ADAMTS9: variants seen among roughly 807,000 people sequenced by gnomAD.
ADAMTS9 encodes ADAM metallopeptidase with thrombospondin type 1 motif 9.
A neutral mutation model predicts 257.1 loss-of-function variants in ADAMTS9; 107 were observed. The observed-to-expected ratio is 0.42, with a 90% CI of 0.36 to 0.49. The LOEUF (loss-of-function observed/expected upper bound fraction) is 0.49, where lower values mean the gene tolerates loss of function less well. Ranked by LOEUF, ADAMTS9 falls within the 20% of genes least tolerant of loss-of-function variation. The pLI, the probability that ADAMTS9 is intolerant of heterozygous loss-of-function variation, is 0.03. For synonymous variants in ADAMTS9, 982 were observed against 880.9 expected (o/e 1.11, Z -2.03); for missense variants, 2,353 against 2,469.1 (o/e 0.95, Z 1.00).
rs1458675614 is a variant in ADAMTS9, at chr3:64,529,046, C to T, written c.5718+4120G>A. The stretch of plus-strand genomic sequence containing the variant: ...TTGCGGCAGGTTGGAGAGGCTGATC[C>T]CACCACCTGCTCAACTTAACATCCC... On this transcript the variant is annotated intron_variant, in intron 38 of 39. Coordinates refer to ENST00000498707, the MANE Select transcript of ADAMTS9 (RefSeq NM_182920.2). Among the ~76,000 whole-genome samples, 5 of 152,178 alleles carry T rather than the reference C, an allele frequency of 3.3e-5. 1 individual carries two copies. Among genetic ancestry groups the T allele is most frequent in the African/African-American group, 9.7e-5 (4 of 41,436 alleles).
chr3:64,617,224 G>A (rs1699977914), intron 19 of ADAMTS9, among the ~76,000 whole-genome samples: 1 of 152,188 alleles, frequency 6.6e-6, no homozygotes, highest in South Asian at 2.1e-4. Flanking sequence ...AGAAGCATCT[G>A]GAACTTTCAT....
intron 28 of ADAMTS9, among the ~76,000 whole-genome samples, chr3:64,572,508 G>A (rs1238252622): frequency 1.3e-5 from 2 of 152,140 alleles, no homozygotes; most frequent in Admixed American, 1.3e-4. Flanking sequence ...CTTATACAGA[G>A]GAACGTGGTT....
chr3:64,524,702 G>T (rs1045495720), intron 38 of ADAMTS9, among the ~76,000 whole-genome samples: 5 of 152,074 alleles, frequency 3.3e-5, no homozygotes, highest in Non-Finnish European at 7.4e-5. Context: ...TTGCCTCTTG[G>T]CCCTTCAAGA....
Position 64,687,614 on chromosome 3 carries a change from C to A in ADAMTS9, c.44G>T (p.Arg15Leu). The A allele has an allele frequency of 1.3e-6, 2 of 1,586,788 alleles. No individual in the cohort carries two copies. The highest frequency in any genetic ancestry group is 1.7e-6 in the Non-Finnish European group (2 of 1,168,192). The change falls in exon 1 of 40, where the codon CGG becomes CTG. Residue 15 changes from arginine to leucine, a missense_variant. Coordinates refer to ENST00000498707, the MANE Select transcript of ADAMTS9 (RefSeq NM_182920.2). The surrounding 1 kb of genome is among the most constrained non-coding windows in gnomAD (Gnocchi z 4.4). The part of the protein sequence containing the change: ...SWATLLTLLV[R>L]DLAEMGSPDA... ...TGGGCTCCCCATCTCGGCCAGGTCC[C>A]GCACCAGGAGCGTTAGCAGTGTGGC... is the stretch of plus-strand genomic sequence containing the variant.
At chr3:64,605,844 T>G (rs2084547894) in intron 23 of ADAMTS9, among the ~76,000 whole-genome samples, 2 of 152,210 alleles carry the variant, frequency 1.3e-5, no homozygotes, top group African/African-American at 4.8e-5. Context: ...TATTATAAAT[T>G]TTACTGATAT....
At chr3:64,552,876 T>C (rs547760400) in intron 30 of ADAMTS9, among the ~76,000 whole-genome samples, 7 of 152,342 alleles carry the variant, frequency 4.6e-5, no homozygotes, top group South Asian at 2.1e-4. Flanking sequence ...TCTTTTAAAA[T>C]GTCTAATTTT....
rs1354139667 is a variant in ADAMTS9, at chr3:64,515,976, G to A, written c.*1151C>T. On this transcript the variant is annotated 3_prime_UTR_variant, in exon 40 of 40. Coordinates refer to ENST00000498707, the MANE Select transcript of ADAMTS9 (RefSeq NM_182920.2). ...TAATGAGCAATCGGAAAGACTCAAA[G>A]CATTTTGTACTCCACAGTTCATTTC... 1 of 152,176 alleles carries A rather than the reference G, an allele frequency of 6.6e-6. No homozygotes were observed. The highest frequency in any genetic ancestry group is 1.5e-5 in the Non-Finnish European group (1 of 68,042). The allele number at this position is 152,176 out of a possible 1,614,324, so 9.4% of individuals were successfully genotyped here.
intron 28 of ADAMTS9, chr3:64,592,236 T>G (rs893353191): frequency 3.3e-5 from 5 of 152,208 alleles, no homozygotes; most frequent in Non-Finnish European, 4.4e-5. Flanking sequence ...TTCGCATATT[T>G]GAATAATGAT....
chr3:64,670,447 C>T (rs6780996), intron 3 of ADAMTS9, among the ~76,000 whole-genome samples: 1,765 of 152,308 alleles, frequency 0.012, 30 homozygotes, highest in African/African-American at 0.039. Context: ...AAGCTCTATA[C>T]TGCATGCTCC....
Position 64,539,211 on chromosome 3 carries a change from A to C in ADAMTS9, c.5605T>G (p.Cys1869Gly). 1 of 1,613,652 alleles carries C rather than the reference A, an allele frequency of 6.2e-7. No individual in the cohort carries two copies. Among genetic ancestry groups the C allele is most frequent in the Non-Finnish European group, 8.5e-7 (1 of 1,179,544 alleles). Residue 1869 changes from cysteine (C) to glycine (G), a missense_variant, in exon 37 of 40, where the codon TGC becomes GGC. Cys to Gly is a radical substitution (Grantham distance 159). Around this residue, in one of 3 missense-constraint regions of ADAMTS9, gnomAD observed 1,402 missense variants for 1,441.4 expected, o/e 0.97. Transcript: ENST00000498707. ...AGGCACCAAGGACATACCTGTGGGCACTTGGCAGCGCTGTAGCAATCCCCG... is the reference window on the plus strand; with the variant it reads ...AGGCACCAAGGACATACCTGTGGGCCCTTGGCAGCGCTGTAGCAATCCCCG... ...TAGDCYSAAK[C>G]PQGRFSINLY...
chr3:64,672,726 T>A (rs1456795362), intron 3 of ADAMTS9, among the ~76,000 whole-genome samples: 2 of 152,156 alleles, frequency 1.3e-5, no homozygotes, highest in Non-Finnish European at 2.9e-5. Flanking sequence ...ATATTTCATA[T>A]GTCAATGAGT....
intron 28 of ADAMTS9, among the ~76,000 whole-genome samples, chr3:64,593,879 C>CA (rs1184858554): frequency 4.0e-5 from 6 of 151,608 alleles, no homozygotes; most frequent in Admixed American, 3.3e-4. Flanking sequence ...CCCAAAAAGT[C>CA]AAAACTACTA....
At position 64,529,584 on chromosome 3, in the gene ADAMTS9, G is replaced by A. The variant is rs977043142; in HGVS notation, c.5718+3582C>T. Among the ~76,000 whole-genome samples the A allele has an allele frequency of 1.4e-4, 21 of 152,318 alleles. 1 individual carries two copies. Among genetic ancestry groups the A allele is most frequent in the Admixed American group, 4.6e-4 (7 of 15,306 alleles). On this transcript the variant is annotated intron_variant, in intron 38 of 39. Transcript: ENST00000498707. ...GCCACAGGCCCTCGGGGGCCAGATC[G>A]TAGTAGGTATCGAGTGGGAACAGGA...
chr3:64,638,455 T>A (rs2106911716), intron 12 of ADAMTS9, among the ~76,000 whole-genome samples: 2 of 152,310 alleles, frequency 1.3e-5, no homozygotes, highest in Middle Eastern at 3.4e-3. Context: ...GGTGACCGTG[T>A]AATTAATTGC....
chr3:64,581,417 T>A (rs1427436859), intron 28 of ADAMTS9, among the ~76,000 whole-genome samples: 1 of 152,100 alleles, frequency 6.6e-6, no homozygotes, highest in Admixed American at 6.5e-5. Flanking sequence ...GACCAGGTTG[T>A]GAGACTGGCT....
intron 3 of ADAMTS9, among the ~76,000 whole-genome samples, chr3:64,675,156 G>A (rs1043174776): frequency 6.6e-6 from 1 of 152,160 alleles, no homozygotes; most frequent in African/African-American, 2.4e-5. Flanking sequence ...ATGTTGATGA[G>A]CTTTATAACC....
chr3:64,582,476 T>C (rs2084030702), intron 28 of ADAMTS9: 1 of 152,164 alleles, frequency 6.6e-6, no homozygotes, highest in Non-Finnish European at 1.5e-5. Flanking sequence ...GTATCAAATA[T>C]GTCTGGTAAA....
At chr3:64,636,391 T>C (rs1016089754) in intron 12 of ADAMTS9, among the ~76,000 whole-genome samples, 4 of 152,226 alleles carry the variant, frequency 2.6e-5, no homozygotes. Context: ...TTAATAATGA[T>C]GCAATATTAG....
At position 64,596,934 on chromosome 3, in the gene ADAMTS9, T is replaced by G. The variant is rs1025713088; in HGVS notation, c.4075A>C (p.Asn1359His). Residue 1359 changes from asparagine to histidine, a missense_variant, in exon 27 of 40, where the codon AAT (asparagine) becomes CAT (histidine). By Grantham distance (68) the Asn-to-His change is moderately conservative. This residue lies in a region of ADAMTS9 where 1,402 missense variants were observed against 1,441.4 expected (regional missense o/e 0.97). Transcript: ENST00000498707. ...QRRVVVCQDENGYTANDCVER... is the reference protein window; with the variant it reads ...QRRVVVCQDEHGYTANDCVER... ...ACACAGTCGTTTGCGGTGTATCCAT[T>G]TTCATCCTGACATACAACAACACGC... is the stretch of plus-strand genomic sequence containing the variant. The G allele has an allele frequency of 1.2e-6, 2 of 1,613,926 alleles. No individual in the cohort carries two copies. The highest frequency in any genetic ancestry group is 1.7e-6 in the Non-Finnish European group (2 of 1,179,980).
Sources: gnomAD v4.1 joint callset for allele counts (sites outside exome capture counted in the v4.1 genomes callset) on GRCh38, gnomAD v4.1.1 for gene constraint, gnomAD v4.1.1 regional missense constraint, Gnocchi (gnomAD v3.1) non-coding constraint, MANE v1.5 for transcripts, NCBI Gene and HGNC (gene_info 2026-07-23, HGNC 2026-07-21) for gene names.